The following SGCZ variants were observed in gnomAD, a reference collection of about 807,000 sequenced individuals.
SGCZ encodes zeta-sarcoglycan.
SGCZ carries 40 observed loss-of-function variants against 41.3 expected under a neutral mutation model. The ratio of observed to expected loss-of-function variants is 0.97; its 90% CI spans 0.75 to 1.26. The LOEUF is 1.26. SGCZ is among the 50% of genes most tolerant of loss of function. The pLI is 0.00. For missense variants in SGCZ, 552 were observed against 369.8 expected (o/e 1.49, Z -4.04); for synonymous variants, 206 against 137.5 (o/e 1.50, Z -3.49).
At chr8:14,174,399 A>C (rs1283394527) in intron 4 of SGCZ, among the ~76,000 whole-genome samples, 1 of 152,128 alleles carries the variant, frequency 6.6e-6, no homozygotes, top group Non-Finnish European at 1.5e-5. Flanking sequence ...AAATGTGTTC[A>C]ACAACTGTAG....
intron 2 of SGCZ, among the ~76,000 whole-genome samples, chr8:14,489,903 G>C (rs955928093): frequency 7.8e-6 from 1 of 127,842 alleles, no homozygotes; most frequent in African/African-American, 2.9e-5. Context: ...GTCTCGCTCT[G>C]TCGCCCAGAC....
intron 2 of SGCZ, among the ~76,000 whole-genome samples, chr8:14,494,155 A>C (rs2117036277): frequency 6.8e-6 from 1 of 147,436 alleles, no homozygotes; most frequent in Non-Finnish European, 1.5e-5. Flanking sequence ...AAAAGTAATT[A>C]ATCTGATAAA....
chr8:15,073,731 C>T (rs2131032095), intron 1 of SGCZ, among the ~76,000 whole-genome samples: 1 of 152,316 alleles, frequency 6.6e-6, no homozygotes, highest in South Asian at 2.1e-4. Context: ...ACCCTTGACC[C>T]TGCTGTCCTA....
intron 4 of SGCZ, among the ~76,000 whole-genome samples, chr8:14,195,885 C>T (rs762704582): frequency 3.9e-5 from 6 of 152,046 alleles, no homozygotes; most frequent in Non-Finnish European, 7.4e-5. Flanking sequence ...TAGCAACCTG[C>T]ACTATCGGGA....
chr8:15,058,664 G>C (rs773734603), intron 1 of SGCZ, among the ~76,000 whole-genome samples: 2 of 152,112 alleles, frequency 1.3e-5, no homozygotes, highest in African/African-American at 4.8e-5. Flanking sequence ...TGTTTCTTGA[G>C]TATGTCAACC....
intron 1 of SGCZ, among the ~76,000 whole-genome samples, chr8:14,773,668 C>A (rs750163305): frequency 6.6e-6 from 1 of 152,188 alleles, no homozygotes; most frequent in African/African-American, 2.4e-5. Context: ...GCAATGCATT[C>A]TTTTGCCTCA....
At chr8:14,945,658 A>G (rs1563381669) in intron 1 of SGCZ, among the ~76,000 whole-genome samples, 1 of 151,610 alleles carries the variant, frequency 6.6e-6, no homozygotes, top group Non-Finnish European at 1.5e-5. Context: ...GAGGGGGGAG[A>G]TCTACAATCA....
At chr8:14,703,951 C>T (rs375689072) in intron 1 of SGCZ, among the ~76,000 whole-genome samples, 4 of 152,072 alleles carry the variant, frequency 2.6e-5, no homozygotes, top group East Asian at 1.9e-4. Flanking sequence ...TCTGAAGCAG[C>T]GAGATGTCAG....
chr8:14,150,905 A>G (rs1006599083), intron 5 of SGCZ, among the ~76,000 whole-genome samples: 2 of 152,314 alleles, frequency 1.3e-5, no homozygotes, highest in South Asian at 2.1e-4. Flanking sequence ...CACTGTGTTA[A>G]GTGAACTAAG....
chr8:14,791,789 C>T (rs777805880), intron 1 of SGCZ, among the ~76,000 whole-genome samples: 5 of 152,156 alleles, frequency 3.3e-5, no homozygotes, highest in Non-Finnish European at 7.3e-5. Context: ...ATGAGCAGTT[C>T]TGAATCATCA....
At chr8:14,379,946 T>G (rs1405077545) in intron 2 of SGCZ, among the ~76,000 whole-genome samples, 2 of 152,118 alleles carry the variant, frequency 1.3e-5, no homozygotes, top group Non-Finnish European at 2.9e-5. Flanking sequence ...TGGCCGGGCC[T>G]GGTCTTGAAC....
At chr8:14,248,124 G>T (rs1188639406) in intron 3 of SGCZ, among the ~76,000 whole-genome samples, 2 of 152,002 alleles carry the variant, frequency 1.3e-5, no homozygotes, top group Non-Finnish European at 2.9e-5. Flanking sequence ...AAATTTTCTA[G>T]AATTCTAGAA....
At chr8:14,863,817 A>G (rs995059139) in intron 1 of SGCZ, among the ~76,000 whole-genome samples, 1 of 152,144 alleles carries the variant, frequency 6.6e-6, no homozygotes, top group African/African-American at 2.4e-5. Flanking sequence ...ACTGGGTTGT[A>G]AATGCTGGAA....
chr8:14,451,195 T>A (rs1800582955), intron 2 of SGCZ, among the ~76,000 whole-genome samples: 1 of 152,180 alleles, frequency 6.6e-6, no homozygotes, highest in South Asian at 2.1e-4. Flanking sequence ...CGTAAACCAT[T>A]TGAAGAGTGA....
chr8:14,906,995 A>C (rs2130769988), intron 1 of SGCZ, among the ~76,000 whole-genome samples: 1 of 152,302 alleles, frequency 6.6e-6, no homozygotes, highest in South Asian at 2.1e-4. Flanking sequence ...AATAACCTTA[A>C]ATCATATCCC....
intron 1 of SGCZ, among the ~76,000 whole-genome samples, chr8:14,737,368 A>C (rs144658409): frequency 0.018 from 2,742 of 152,132 alleles, 34 homozygotes; most frequent in South Asian, 0.067. Flanking sequence ...AAGCAAGCTA[A>C]TGTGACCCAT....
intron 1 of SGCZ, among the ~76,000 whole-genome samples, chr8:14,822,905 T>G (rs1585292546): frequency 6.6e-6 from 1 of 151,710 alleles, no homozygotes; most frequent in Non-Finnish European, 1.5e-5. Flanking sequence ...AATACAAAAA[T>G]TAACCAAATG....
intron 1 of SGCZ, among the ~76,000 whole-genome samples, chr8:14,948,604 G>C (rs1011377494): frequency 1.3e-5 from 2 of 151,972 alleles, no homozygotes; most frequent in African/African-American, 4.8e-5. Context: ...ACCTACTCCA[G>C]GTAGTTTCCA....
chr8:14,570,578 T>C (rs1193860077), intron 1 of SGCZ, among the ~76,000 whole-genome samples: 1 of 152,206 alleles, frequency 6.6e-6, no homozygotes, highest in Non-Finnish European at 1.5e-5. Context: ...TGTCAGTGAA[T>C]ATATTTTCTA....
Sources: gnomAD v4.1 joint callset for allele counts (sites outside exome capture counted in the v4.1 genomes callset) on GRCh38, gnomAD v4.1.1 for gene constraint, MANE v1.5 for transcripts, NCBI Gene and HGNC (gene_info 2026-07-23, HGNC 2026-07-21) for gene names.